The following SLC49A4 variants were observed in gnomAD, a reference collection of about 807,000 sequenced individuals.
The protein encoded by SLC49A4 is solute carrier family 49 member 4, also known as disrupted in renal cancer protein 2.
In SLC49A4, 36 loss-of-function variants were observed where a neutral mutation model predicts 50.6. The ratio of observed to expected loss-of-function variants is 0.71; its 90% CI spans 0.55 to 0.94. SLC49A4 has a LOEUF of 0.94. SLC49A4 is among the 40% of genes least tolerant of loss of function. The probability of loss-of-function intolerance (pLI) is 0.00; values close to 1 mark genes in which losing one functional copy is unlikely to be tolerated. For synonymous variants in SLC49A4, 248 were observed against 241.2 expected, an observed-to-expected ratio of 1.03 and a Z score of -0.26; for missense variants, 503 against 605.7, an observed-to-expected ratio of 0.83 and a Z score of 1.78.
At chr3:122,801,506 A>G (rs1444161953) in intron 1 of SLC49A4, among the ~76,000 whole-genome samples, 1 of 151,988 alleles carries the variant, frequency 6.6e-6, no homozygotes, top group East Asian at 1.9e-4. Context: ...GCAGGAGAAC[A>G]CTTGAACCCA....
At chr3:122,851,546 T>C (rs1430814334) in intron 5 of SLC49A4, among the ~76,000 whole-genome samples, 1 of 152,164 alleles carries the variant, frequency 6.6e-6, no homozygotes, top group Non-Finnish European at 1.5e-5. Flanking sequence ...GCTGGCTGCT[T>C]TTAAGATTTT....
At chr3:122,814,221 T>G (rs1431838440) in intron 2 of SLC49A4, among the ~76,000 whole-genome samples, 2 of 152,122 alleles carry the variant, frequency 1.3e-5, no homozygotes, top group Admixed American at 6.5e-5. Flanking sequence ...TGAGCCGAGA[T>G]TGCGCCACTG....
At chr3:122,873,558 G>A (rs573216208) in intron 8 of SLC49A4, among the ~76,000 whole-genome samples, 3 of 152,254 alleles carry the variant, frequency 2.0e-5, no homozygotes, top group South Asian at 2.1e-4. Context: ...TCACCCAACA[G>A]CAAAAAGTGT....
Position 122,795,452 on chromosome 3 carries a change from G to A in SLC49A4, c.260G>A (p.Ser87Asn), listed in dbSNP as rs760738852. The stretch of plus-strand genomic sequence containing the variant: ...GCGCGCCAGGCCTACGGCTTCTCCA[G>A]CTGGGACATCGCGCTGCTCGTGCTG... ...NSARQAYGFSSWDIALLVLWG... is the reference protein window; with the variant it reads ...NSARQAYGFSNWDIALLVLWG... Residue 87 changes from serine to asparagine, a missense_variant, in exon 1 of 9, where the codon AGC (serine) becomes AAC (asparagine). Coordinates refer to ENST00000261038, the MANE Select transcript of SLC49A4 (RefSeq NM_032839.3). The A allele has an allele frequency of 1.9e-6, 3 of 1,607,314 alleles. No homozygotes were observed. The highest frequency in any genetic ancestry group is 2.5e-6 in the Non-Finnish European group (3 of 1,179,098).
At chr3:122,844,672 T>C (rs1156746021) in intron 4 of SLC49A4, among the ~76,000 whole-genome samples, 1 of 151,852 alleles carries the variant, frequency 6.6e-6, no homozygotes, top group Non-Finnish European at 1.5e-5. Flanking sequence ...ATTCCAGCTC[T>C]TTGGGAGGCT....
intron 4 of SLC49A4, among the ~76,000 whole-genome samples, chr3:122,834,729 A>AAATTGAAAC (rs1936654550): frequency 6.6e-6 from 1 of 152,138 alleles, no homozygotes; most frequent in African/African-American, 2.4e-5. Context: ...GAACTAAATA[A>AAATTGAAAC]AATTGAAACA....
intron 7 of SLC49A4, among the ~76,000 whole-genome samples, chr3:122,868,808 C>T (rs1445534537): frequency 1.3e-5 from 2 of 152,168 alleles, no homozygotes; most frequent in Non-Finnish European, 2.9e-5. Flanking sequence ...TATGGTAATA[C>T]AAGAAGCAAA....
chr3:122,812,654 C>T (rs1936315174), intron 2 of SLC49A4, among the ~76,000 whole-genome samples: 1 of 152,182 alleles, frequency 6.6e-6, no homozygotes, highest in Admixed American at 6.5e-5. Context: ...GTCTTATACT[C>T]ATTTAAATTT....
intron 1 of SLC49A4, among the ~76,000 whole-genome samples, chr3:122,804,547 T>A (rs140222027): frequency 1.3e-5 from 2 of 152,372 alleles, no homozygotes; most frequent in East Asian, 3.9e-4. Flanking sequence ...GAGGAAAGCA[T>A]TTTATTCAAG....
rs1936058830 is a variant in SLC49A4, at chr3:122,797,395, T to TA, written c.343+1861dup. Reference sequence around the variant, plus strand: ...CTTCAAAAAGAAACTTGAGGCAAGATATAGACTATGTGAAGATCAAGTCAA... The same window carrying TA: ...CTTCAAAAAGAAACTTGAGGCAAGATAATAGACTATGTGAAGATCAAGTCAA... On this transcript the variant is annotated intron_variant, in intron 1 of 8. Coordinates refer to ENST00000261038, the MANE Select transcript of SLC49A4 (RefSeq NM_032839.3). 4.6e-5 allele frequency among the ~76,000 whole-genome samples: 7 copies of TA among 152,352 alleles called. No homozygotes were observed. In the South Asian group the frequency reaches 1.4e-3, roughly 32 times the overall value.
At position 122,826,826 on chromosome 3, in the gene SLC49A4, A is replaced by G; in HGVS notation, c.464A>G (p.Asn155Ser). The G allele has an allele frequency of 6.2e-7, 1 of 1,614,162 alleles. No individual in the cohort carries two copies. ...RRLIHGGQML[N>S]GLAGPTVMNA... Reference sequence around the variant, plus strand: ...TTAATTCATGGAGGACAGATGTTAAATGGATTGGCAGGTCCAACTGTAATG... The same window carrying G: ...TTAATTCATGGAGGACAGATGTTAAGTGGATTGGCAGGTCCAACTGTAATG... The change falls in exon 3 of 9, where the codon AAT becomes AGT. Residue 155 changes from asparagine (N) to serine (S), a missense_variant. Transcript: ENST00000261038.
At chr3:122,839,770 A>G (rs1961154) in intron 4 of SLC49A4, among the ~76,000 whole-genome samples, 7,677 of 152,280 alleles carry the variant, frequency 0.05, 265 homozygotes, top group Middle Eastern at 0.11. Context: ...TGAAAAGGGA[A>G]TGCTTATACA....
At chr3:122,877,595 T>C (rs1053622601) in intron 8 of SLC49A4, among the ~76,000 whole-genome samples, 14 of 152,242 alleles carry the variant, frequency 9.2e-5, no homozygotes, top group Non-Finnish European at 7.3e-5. Flanking sequence ...CTCTAAGATA[T>C]AGCAACTATC....
chr3:122,855,754 C>A (rs1281424768), intron 5 of SLC49A4, among the ~76,000 whole-genome samples: 2 of 152,200 alleles, frequency 1.3e-5, no homozygotes, highest in Non-Finnish European at 2.9e-5. Context: ...TCATTTAATC[C>A]ATTTTACAGG....
intron 2 of SLC49A4, among the ~76,000 whole-genome samples, chr3:122,825,771 G>A (rs1233080815): frequency 6.6e-6 from 1 of 151,890 alleles, no homozygotes; most frequent in Non-Finnish European, 1.5e-5. Context: ...AAGAGAGGTC[G>A]ACACATCTCC....
chr3:122,855,193 G>A (rs1390093590), intron 5 of SLC49A4, among the ~76,000 whole-genome samples: 1 of 152,164 alleles, frequency 6.6e-6, no homozygotes, highest in Non-Finnish European at 1.5e-5. Context: ...GTCAAGTTTG[G>A]ACTTTGTCCT....
chr3:122,832,463 C>T (rs1446258446), intron 3 of SLC49A4, among the ~76,000 whole-genome samples: 5 of 152,136 alleles, frequency 3.3e-5, no homozygotes, highest in Non-Finnish European at 5.9e-5. Context: ...AAATTCTATT[C>T]CCTGTCTCTT....
intron 4 of SLC49A4, among the ~76,000 whole-genome samples, chr3:122,835,832 T>C (rs964354588): frequency 3.3e-5 from 5 of 152,156 alleles, no homozygotes; most frequent in African/African-American, 7.2e-5. Flanking sequence ...TTGCCAATGA[T>C]ATGATCATAT....
In SLC49A4 at chr3:122,826,985, C is replaced by G. The variant is rs1560208221; in HGVS notation, c.623C>G (p.Pro208Arg). 7 of 1,614,172 alleles carry G rather than the reference C, an allele frequency of 4.3e-6. No homozygotes were observed. Among genetic ancestry groups the G allele is most frequent in the Non-Finnish European group, 5.1e-6 (6 of 1,180,022 alleles). ...FLVGPLVVPA[P>R]NGTSPLLAAE... ...GTTGGACCACTTGTTGTTCCAGCTC[C>G]CAATGGGACATCACCTCTTCTTGCT... The change falls in exon 3 of 9, where the codon CCC becomes CGC. Residue 208 changes from proline (P) to arginine (R), a missense_variant. Physicochemically the swap from Pro to Arg is moderately radical, Grantham distance 103 (BLOSUM62 -2). Transcript: ENST00000261038.
Sources: gnomAD v4.1 joint callset for allele counts (sites outside exome capture counted in the v4.1 genomes callset) on GRCh38, gnomAD v4.1.1 for gene constraint, MANE v1.5 for transcripts, NCBI Gene and HGNC (gene_info 2026-07-23, HGNC 2026-07-21) for gene names.